Variants in CD47 observed in about 807,000 individuals in gnomAD.
CD47 encodes leukocyte surface antigen CD47.
In CD47, 11 loss-of-function variants were observed where a neutral mutation model predicts 44.6. The ratio of observed to expected loss-of-function variants is 0.25; its 90% CI spans 0.16 to 0.41. The LOEUF is 0.41. Among genes scored for constraint, CD47 ranks in the 10% least tolerant of loss-of-function variants. The pLI, the probability that CD47 is intolerant of heterozygous loss-of-function variation, is 1.00. For synonymous variants in CD47, 140 were observed against 136.3 expected, an observed-to-expected ratio of 1.03 and a Z score of -0.19; for missense variants, 306 against 386.7, an observed-to-expected ratio of 0.79 and a Z score of 1.75.
chr3:108,055,830 G>A (rs1240218334), intron 7 of CD47, among the ~76,000 whole-genome samples: 1 of 152,144 alleles, frequency 6.6e-6, no homozygotes, highest in African/African-American at 2.4e-5. Flanking sequence ...GGAGAAGGCA[G>A]GAGAGTGAAG....
At chr3:108,059,045 G>A (rs1335741753) in intron 5 of CD47, among the ~76,000 whole-genome samples, 1 of 152,124 alleles carries the variant, frequency 6.6e-6, no homozygotes, top group Non-Finnish European at 1.5e-5. Flanking sequence ...AAACAAATAT[G>A]TTTCTACTAT....
intron 8 of CD47, chr3:108,051,731 C>A (rs1353072819): frequency 1.5e-6 from 1 of 656,138 alleles, no homozygotes; most frequent in Non-Finnish European, 2.9e-6. Flanking sequence ...CTTAAGAAAT[C>A]ATTTATTCCA....
intron 1 of CD47, 83 bp downstream of exon 1, chr3:108,090,780 G>A: frequency 1.5e-6 from 2 of 1,291,534 alleles, no homozygotes; most frequent in Non-Finnish European, 2.0e-6. Flanking sequence ...TCAGGGCGCC[G>A]CCGGGCTGGC....
intron 7 of CD47, chr3:108,052,857 C>T (rs569312846): frequency 6.7e-4 from 102 of 152,488 alleles, no homozygotes; most frequent in African/African-American, 2.2e-3. Context: ...GTCCCAGCTA[C>T]GTGGAAGGCT....
At chr3:108,069,494 T>C (rs889935170) in intron 3 of CD47, among the ~76,000 whole-genome samples, 13 of 150,434 alleles carry the variant, frequency 8.6e-5, no homozygotes, top group Non-Finnish European at 3.0e-5. Flanking sequence ...ATTTCTAGGT[T>C]TGGGGACTAC....
At chr3:108,060,633 C>A (rs762436255) in intron 4 of CD47, 112 bp downstream of exon 4, 1 of 692,040 alleles carries the variant, frequency 1.4e-6, no homozygotes, top group Non-Finnish European at 2.5e-6. Context: ...GTTTAAGCCA[C>A]CCAGTTTGTG....
At chr3:108,065,811 C>CAAAAAAAAAAAAAAAAA (rs58021560) in intron 3 of CD47, among the ~76,000 whole-genome samples, 1 of 61,166 alleles carries the variant, frequency 1.6e-5, no homozygotes, top group African/African-American at 6.6e-5. Flanking sequence ...GACTCCGTCT[C>CAAAAAAAAAAAAAAAAA]AAAAAAAAAA....
intron 1 of CD47, among the ~76,000 whole-genome samples, chr3:108,086,833 G>A (rs1397772680): frequency 6.6e-6 from 1 of 152,164 alleles, no homozygotes; most frequent in South Asian, 2.1e-4. Flanking sequence ...ATGCAAGACT[G>A]AAGAATTATG....
intron 1 of CD47, among the ~76,000 whole-genome samples, chr3:108,086,119 G>C (rs1172078675): frequency 6.6e-6 from 1 of 151,900 alleles, no homozygotes; most frequent in Non-Finnish European, 1.5e-5. Context: ...TGAAAGCAGA[G>C]AATTATTTAG....
intron 3 of CD47, among the ~76,000 whole-genome samples, chr3:108,063,448 C>T (rs1030890116): frequency 3.6e-4 from 54 of 152,098 alleles, no homozygotes; most frequent in African/African-American, 1.3e-3. Context: ...CAGCAGGTAC[C>T]ACAGCTAATG....
chr3:108,074,305 C>CT (rs2079263780), intron 2 of CD47, among the ~76,000 whole-genome samples: 1 of 151,998 alleles, frequency 6.6e-6, no homozygotes, highest in Admixed American at 6.6e-5. Flanking sequence ...AAAATACTGT[C>CT]TAAGTGATTC....
chr3:108,089,316 T>C (rs1179614433), intron 1 of CD47, among the ~76,000 whole-genome samples: 1 of 152,206 alleles, frequency 6.6e-6, no homozygotes, highest in Non-Finnish European at 1.5e-5. Context: ...AAACGAGTGC[T>C]AATTACATGA....
chr3:108,049,669 C>T lies in CD47; in HGVS notation c.935-18G>A. On this transcript the variant is annotated intron_variant, in intron 9 of 10. Coordinates refer to ENST00000361309, the MANE Select transcript of CD47 (RefSeq NM_001777.4). ...TTTGAATGCTAGGATTAGTAACAAG[C>T]CAAGCAGGCAGTTAGTGAGGTTCCA... 1 of 1,596,460 alleles carries T rather than the reference C, an allele frequency of 6.3e-7. No homozygotes were observed. The highest frequency in any genetic ancestry group is 1.1e-5 in the South Asian group (1 of 90,664).
chr3:108,077,584 AC>A (rs1220592465), intron 2 of CD47, among the ~76,000 whole-genome samples: 1 of 152,184 alleles, frequency 6.6e-6, no homozygotes, highest in Non-Finnish European at 1.5e-5. Flanking sequence ...CTACACAAGA[AC>A]CTGTACACAA....
chr3:108,055,550 A>T (rs1236115041), intron 7 of CD47: 2 of 1,304,166 alleles, frequency 1.5e-6, no homozygotes, highest in Non-Finnish European at 2.0e-6. Context: ...AACTGACTGT[A>T]GGTGTCCCTC....
chr3:108,051,744 C>T (rs2078832482), intron 8 of CD47, 195 bp downstream of exon 8: 1 of 671,842 alleles, frequency 1.5e-6, no homozygotes, highest in Non-Finnish European at 2.9e-6. Flanking sequence ...TTATTCCATC[C>T]CATTGACACT....
chr3:108,087,739 T>C (rs2079549379), intron 1 of CD47, among the ~76,000 whole-genome samples: 1 of 152,068 alleles, frequency 6.6e-6, no homozygotes, highest in Non-Finnish European at 1.5e-5. Flanking sequence ...TCTCAAACCA[T>C]GAGATTGACC....
chr3:108,072,112 AC>A (rs1404937798), intron 2 of CD47, among the ~76,000 whole-genome samples: 6 of 152,344 alleles, frequency 3.9e-5, no homozygotes, highest in Admixed American at 2.6e-4. Flanking sequence ...CATCTTATAA[AC>A]CCCTAAGACC....
intron 3 of CD47, among the ~76,000 whole-genome samples, chr3:108,068,724 A>T (rs955492647): frequency 6.6e-6 from 1 of 152,188 alleles, no homozygotes; most frequent in African/African-American, 2.4e-5. Flanking sequence ...TGGGAGAAAT[A>T]AATGTCATTT....
Sources: allele counts gnomAD v4.1 joint callset (sites outside exome capture counted in the v4.1 genomes callset), GRCh38; gene constraint gnomAD v4.1.1; transcripts MANE v1.5; gene names NCBI Gene and HGNC (gene_info 2026-07-23, HGNC 2026-07-21).